RDH10: variants seen among roughly 807,000 people sequenced by gnomAD.
RDH10 encodes the protein retinol dehydrogenase 10.
RDH10 carries 12 observed loss-of-function variants against 30.2 expected under a neutral mutation model. The ratio of observed to expected loss-of-function variants is 0.40; its 90% CI spans 0.25 to 0.64. The LOEUF (loss-of-function observed/expected upper bound fraction) is 0.64. RDH10 is among the 30% of genes least tolerant of loss of function. RDH10 has a pLI of 0.43. For missense variants in RDH10, 268 were observed against 445.2 expected (o/e 0.60, Z 3.58); for synonymous variants, 189 against 172.2 (o/e 1.10, Z -0.76).
chr8:73,295,802 TC>T (rs749650473), intron 1 of RDH10: 10 of 1,143,252 alleles, frequency 8.7e-6, no homozygotes, highest in African/African-American at 1.6e-5. Flanking sequence ...AGGTTCGGTC[TC>T]TGGGGACCAC....
chr8:73,309,397 G>T (rs1379152906), intron 2 of RDH10, among the ~76,000 whole-genome samples: 1 of 152,088 alleles, frequency 6.6e-6, no homozygotes, highest in Non-Finnish European at 1.5e-5. Flanking sequence ...TGATATTTTC[G>T]GTGGTTTAAC....
At chr8:73,299,162 T>G (rs1814333655) in intron 2 of RDH10, among the ~76,000 whole-genome samples, 1 of 152,174 alleles carries the variant, frequency 6.6e-6, no homozygotes, top group Admixed American at 6.5e-5. Flanking sequence ...AATGAATATA[T>G]AAATGACCTG....
chr8:73,322,390 A>G (rs1374370792), intron 4 of RDH10: 2 of 324,306 alleles, frequency 6.2e-6, no homozygotes, highest in African/African-American at 2.1e-5. Context: ...AGCAAAACAT[A>G]GGAAAATAAT....
chr8:73,323,513 T>G lies in RDH10; in HGVS notation c.*477T>G, dbSNP rs1465041819. The stretch of plus-strand genomic sequence containing the variant: ...TCCGTTTTGCAAGGCCTAGGTGACT[T>G]TTTCATGGTGTTTGTATGTTTAGCT... On this transcript the variant is annotated 3_prime_UTR_variant, in exon 6 of 6. Transcript: ENST00000240285. 1 of 157,078 alleles carries G rather than the reference T, an allele frequency of 6.4e-6. No individual in the cohort carries two copies. Among genetic ancestry groups the G allele is most frequent in the Non-Finnish European group, 1.4e-5 (1 of 70,562 alleles). The allele number at this position is 157,078 out of a possible 1,614,324, so 9.7% of individuals were successfully genotyped here.
chr8:73,303,358 G>A (rs1168394110), intron 2 of RDH10, among the ~76,000 whole-genome samples: 7 of 152,138 alleles, frequency 4.6e-5, no homozygotes, highest in Non-Finnish European at 1.0e-4. Context: ...AACTAGTTTT[G>A]TTCAAGGTTT....
rs760868299 is a variant in RDH10 at position 73,323,047 on chromosome 8, G to A, written c.*11G>A. On this transcript the variant is annotated 3_prime_UTR_variant, in exon 6 of 6. Transcript: ENST00000240285. ...AAAAATGGAATCTAAGAATCTTTTT[G>A]TATGGAATATTACTTCTATCAGAAG... 5 of 1,605,058 alleles carry A rather than the reference G, an allele frequency of 3.1e-6. No homozygotes were observed. The highest frequency in any genetic ancestry group is 1.3e-5 in the African/African-American group (1 of 74,756).
At chr8:73,318,779 A>G (rs1227245220) in intron 2 of RDH10, among the ~76,000 whole-genome samples, 1 of 152,224 alleles carries the variant, frequency 6.6e-6, no homozygotes, top group Non-Finnish European at 1.5e-5. Flanking sequence ...GAGTACTTTA[A>G]ATTAGCAGAT....
At chr8:73,295,718 A>G in intron 1 of RDH10, 140 bp downstream of exon 1, 1 of 974,144 alleles carries the variant, frequency 1.0e-6, no homozygotes, top group South Asian at 1.8e-5. Context: ...TTGGGAGACG[A>G]GTGGAATTCG....
chr8:73,304,051 C>T (rs1235313468), intron 2 of RDH10, among the ~76,000 whole-genome samples: 2 of 152,196 alleles, frequency 1.3e-5, no homozygotes, highest in Admixed American at 6.5e-5. Flanking sequence ...CAGTGTGCAG[C>T]TTCATCTTTC....
rs1814807786 is a variant in RDH10 at position 73,323,638 on chromosome 8, T to C, written c.*602T>C. Reference sequence around the variant, plus strand: ...GTCTCTTTCTTAAAGTCACAATGACTAAAGTATTAGTTGAATTTTTTTTTT... The same window carrying C: ...GTCTCTTTCTTAAAGTCACAATGACCAAAGTATTAGTTGAATTTTTTTTTT... On this transcript the variant is annotated 3_prime_UTR_variant, in exon 6 of 6. Coordinates refer to ENST00000240285, the MANE Select transcript of RDH10 (RefSeq NM_172037.5). 1 of 150,360 alleles carries C rather than the reference T, an allele frequency of 6.7e-6. No individual in the cohort carries two copies. The highest frequency in any genetic ancestry group is 2.4e-5 in the African/African-American group (1 of 40,828). 9.3% of individuals were successfully genotyped at this position (150,360 alleles called of 1,614,324 possible). A position where few individuals can be genotyped will look rare whatever the true frequency, so the allele number is the denominator to read the frequency against.
rs570295383 is a variant in RDH10, at chr8:73,321,253, G to C, written c.770+176G>C. Among the ~76,000 whole-genome samples, 12 of 152,296 alleles carry C rather than the reference G, an allele frequency of 7.9e-5. No individual in the cohort carries two copies. The South Asian group carries it at 2.5e-3, about 32-fold the overall frequency. Reference sequence around the variant, plus strand: ...TATAAGATTTGCAAAGGAGAGACTGGTGCTACACACTGATACTAATTTGCA... The same window carrying C: ...TATAAGATTTGCAAAGGAGAGACTGCTGCTACACACTGATACTAATTTGCA... On this transcript the variant is annotated intron_variant, in intron 4 of 5. Transcript: ENST00000240285.
chr8:73,297,074 G>T, intron 1 of RDH10, 120 bp from the exon 2 acceptor site: 1 of 669,836 alleles, frequency 1.5e-6, no homozygotes. Context: ...TTAGAAATTT[G>T]AAGCTCACTG....
chr8:73,318,205 A>C (rs1024155078), intron 2 of RDH10, among the ~76,000 whole-genome samples: 3 of 151,898 alleles, frequency 2.0e-5, no homozygotes, highest in African/African-American at 7.3e-5. Flanking sequence ...AGATCATCGT[A>C]AGCAATTTGA....
intron 3 of RDH10, 89 bp downstream of exon 3, chr8:73,319,283 T>C (rs1814725254): frequency 1.1e-6 from 1 of 873,486 alleles, no homozygotes; most frequent in Non-Finnish European, 1.9e-6. Flanking sequence ...CTGCTGCCCC[T>C]CCATTCATGA....
chr8:73,299,219 T>G (rs1415533796), intron 2 of RDH10, among the ~76,000 whole-genome samples: 1 of 152,228 alleles, frequency 6.6e-6, no homozygotes, highest in African/African-American at 2.4e-5. Flanking sequence ...AAATACAGTT[T>G]GGGCAACTTC....
chr8:73,307,669 C>T (rs1563548766), intron 2 of RDH10, among the ~76,000 whole-genome samples: 1 of 152,170 alleles, frequency 6.6e-6, no homozygotes, highest in African/African-American at 2.4e-5. Context: ...GGACCCAAAC[C>T]CTCAGCCTAG....
chr8:73,310,872 CAAGT>C (rs1166060710), intron 2 of RDH10: 1 of 152,054 alleles, frequency 6.6e-6, no homozygotes, highest in Non-Finnish European at 1.5e-5. Flanking sequence ...TCCATGGACT[CAAGT>C]AAAACGGAAG....
intron 2 of RDH10, chr8:73,311,064 A>G (rs993158567): frequency 2.0e-5 from 3 of 152,228 alleles, no homozygotes; most frequent in Non-Finnish European, 2.9e-5. Flanking sequence ...TGAGTCATTT[A>G]CGAGAGTCTT....
Position 73,295,352 on chromosome 8 carries a change from C to A in RDH10, c.63C>A (p.Ala21=). The change falls in exon 1 of 6, where the codon GCC becomes GCA. Residue 21 remains alanine (A), a synonymous_variant. Transcript: ENST00000240285. ...AAGTGCTCTGGGCGTTCGTGCTGGC[C>A]GCGGCGCGCTGGCTGGTGCGGCCCA... ...TFKVLWAFVL[A]AARWLVRPKE... 6.4e-7 allele frequency: 1 copy of A among 1,561,928 alleles called. No homozygotes were observed. Among genetic ancestry groups the A allele is most frequent in the Non-Finnish European group, 8.7e-7 (1 of 1,154,642 alleles).
Sources: gnomAD v4.1 joint callset for allele counts (sites outside exome capture counted in the v4.1 genomes callset) on GRCh38, gnomAD v4.1.1 for gene constraint, MANE v1.5 for transcripts, NCBI Gene and HGNC (gene_info 2026-07-23, HGNC 2026-07-21) for gene names.